The following SLC17A1 variants were observed in gnomAD, a reference collection of about 807,000 sequenced individuals.
SLC17A1 encodes sodium-dependent phosphate transport protein 1.
In SLC17A1, 51 loss-of-function variants were observed where a neutral mutation model predicts 53.5. The ratio of observed to expected loss-of-function variants is 0.95; its 90% confidence interval spans 0.76 to 1.20. The LOEUF is 1.20. Among genes scored for constraint, SLC17A1 ranks in the 50% most tolerant of loss-of-function variants. SLC17A1 has a pLI of 0.00. For synonymous variants in SLC17A1, 179 were observed against 198.8 expected, an observed-to-expected ratio of 0.90 and a Z score of 0.84; for missense variants, 538 against 568.2, an observed-to-expected ratio of 0.95 and a Z score of 0.54.
chr6:25,799,244 A>ATAT (rs1177098720), intron 11 of SLC17A1, among the ~76,000 whole-genome samples: 4 of 152,092 alleles, frequency 2.6e-5, no homozygotes, highest in Non-Finnish European at 4.4e-5. Flanking sequence ...TGTAGCTGAC[A>ATAT]TATTATTGTA....
chr6:25,770,879 C>T, the SLC17A1 span: 1 of 1,466,070 alleles, frequency 6.8e-7, no homozygotes, highest in African/African-American at 1.4e-5. Flanking sequence ...ACATAGAGCC[C>T]CAAGACGAGT....
intron 10 of SLC17A1, among the ~76,000 whole-genome samples, chr6:25,809,364 A>G (rs1230620952): frequency 6.6e-6 from 1 of 152,018 alleles, no homozygotes; most frequent in Non-Finnish European, 1.5e-5. Context: ...ACTTAACAAA[A>G]CTGTATTTGC....
chr6:25,779,138 C>G (rs375813431), downstream of SLC17A1: 1 of 1,613,826 alleles, frequency 6.2e-7, no homozygotes, highest in Non-Finnish European at 8.5e-7. Flanking sequence ...CATCTTTGGC[C>G]GAGCAGATGT....
At chr6:25,772,354 C>T in the SLC17A1 span, among the ~76,000 whole-genome samples, 1 of 152,130 alleles carries the variant, frequency 6.6e-6, no homozygotes, top group East Asian at 1.9e-4. Context: ...TGATTATGTT[C>T]CTTGATGGCA....
At position 25,809,239 on chromosome 6, in the gene SLC17A1, A is replaced by G. The variant is rs909805055; in HGVS notation, c.1178+2159T>C. On this transcript the variant is annotated intron_variant, in intron 10 of 12. Coordinates refer to ENST00000244527, the MANE Select transcript of SLC17A1 (RefSeq NM_005074.5). ...GAGTGTAGAATAACAGACATTAGAGACTTGGAAGAGTGGGAGGAGGGTGAG... is the reference window on the plus strand; with the variant it reads ...GAGTGTAGAATAACAGACATTAGAGGCTTGGAAGAGTGGGAGGAGGGTGAG... 5.9e-5 allele frequency among the ~76,000 whole-genome samples: 9 copies of G among 152,074 alleles called. No homozygotes were observed. The East Asian group carries it at 1.7e-3, about 29-fold the overall frequency.
chr6:25,750,853 G>T, the SLC17A1 span, among the ~76,000 whole-genome samples: 1 of 152,236 alleles, frequency 6.6e-6, no homozygotes, highest in African/African-American at 2.4e-5. Context: ...ATTCTGCCCA[G>T]TCTGCAAGGA....
Position 25,819,526 on chromosome 6 carries a change from A to G in SLC17A1, c.514T>C (p.Ser172Pro). The G allele has an allele frequency of 6.2e-7, 1 of 1,613,474 alleles. No homozygotes were observed. Among genetic ancestry groups the G allele is most frequent in the South Asian group, 1.1e-5 (1 of 91,072 alleles). Residue 172 changes from serine (S) to proline (P), a missense_variant, in exon 5 of 13, where the codon TCT becomes CCT. Physicochemically the swap from Ser to Pro is moderately conservative, Grantham distance 74. Coordinates refer to ENST00000244527, the MANE Select transcript of SLC17A1 (RefSeq NM_005074.5). ...AATTCTTTACCTGATGTACTCATAG[A>G]AGTAAGTCGGCCTCGTTCCAGGGGA... The part of the protein sequence containing the change: ...APPLERGRLT[S>P]MSTSGFLLGP...
intron 10 of SLC17A1, among the ~76,000 whole-genome samples, chr6:25,805,880 A>T (rs2151486097): frequency 6.6e-6 from 1 of 152,050 alleles, no homozygotes; most frequent in Non-Finnish European, 1.5e-5. Flanking sequence ...TAATTTTAAA[A>T]AATTGCCAAC....
At position 25,811,456 on chromosome 6, in the gene SLC17A1, C is replaced by T. The variant is rs779261375; in HGVS notation, c.1120G>A (p.Ala374Thr). 2 of 1,613,876 alleles carry T rather than the reference C, an allele frequency of 1.2e-6. No individual in the cohort carries two copies. Among genetic ancestry groups the T allele is most frequent in the Admixed American group, 1.7e-5 (1 of 59,994 alleles). ...SIVIFLILAG[A>T]TGSFCLGGVF... ...CCACCCAAGCAAAAGCTGCCTGTTG[C>T]ACCAGCAAGTATTAGGAAAATGACA... Residue 374 changes from alanine (A) to threonine (T), a missense_variant, in exon 10 of 13, where the codon GCA (alanine) becomes ACA (threonine). By Grantham distance (58) the Ala-to-Thr change is moderately conservative (BLOSUM62 0). Coordinates refer to ENST00000244527, the MANE Select transcript of SLC17A1 (RefSeq NM_005074.5).
chr6:25,744,232 C>T, the SLC17A1 span, among the ~76,000 whole-genome samples: 1 of 152,156 alleles, frequency 6.6e-6, no homozygotes, highest in African/African-American at 2.4e-5. Context: ...ACATCCAAGG[C>T]TTCTGAGTAC....
At chr6:25,813,234 A>G in intron 6 of SLC17A1, 21 bp from the exon 7 acceptor site, 1 of 1,583,190 alleles carries the variant, frequency 6.3e-7, no homozygotes, top group Non-Finnish European at 8.7e-7. Context: ...AGGGTAAGTT[A>G]GAATTGGAAG....
chr6:25,793,729 T>C (rs576146693), intron 12 of SLC17A1, among the ~76,000 whole-genome samples: 3 of 152,268 alleles, frequency 2.0e-5, no homozygotes, highest in South Asian at 2.1e-4. Context: ...TGAATTTACA[T>C]AGAAAAAAAT....
chr6:25,831,750 T>C (rs1018217488), intron 1 of SLC17A1, among the ~76,000 whole-genome samples: 30 of 152,132 alleles, frequency 2.0e-4, no homozygotes, highest in Admixed American at 2.6e-4. Flanking sequence ...TATACAAGCA[T>C]CACACACTGT....
the SLC17A1 span, among the ~76,000 whole-genome samples, chr6:25,747,064 A>C: frequency 6.6e-6 from 1 of 152,328 alleles, no homozygotes; most frequent in South Asian, 2.1e-4. Context: ...CAGTTCACCA[A>C]CAATATCACC....
the SLC17A1 span, among the ~76,000 whole-genome samples, chr6:25,753,375 C>T: frequency 0.24 from 36,123 of 152,036 alleles, 4,897 homozygotes; most frequent in Non-Finnish European, 0.3. Flanking sequence ...GCTCTCTTTT[C>T]TCCTAGGTTC....
At chr6:25,773,994 T>A in the SLC17A1 span, among the ~76,000 whole-genome samples, 20 of 152,192 alleles carry the variant, frequency 1.3e-4, no homozygotes, top group African/African-American at 4.3e-4. Flanking sequence ...CTCAATCCCA[T>A]CAAAATTTGC....
chr6:25,731,873 C>T, the SLC17A1 span: 7 of 1,603,066 alleles, frequency 4.4e-6, no homozygotes, highest in South Asian at 3.3e-5. Flanking sequence ...GGCGCACGGC[C>T]GTCTGGATCT....
At chr6:25,727,855 T>C in the SLC17A1 span, among the ~76,000 whole-genome samples, 11 of 151,738 alleles carry the variant, frequency 7.2e-5, no homozygotes, top group African/African-American at 2.7e-4. Context: ...CCGTCTCTAC[T>C]AAAAATACAA....
the SLC17A1 span, chr6:25,727,223 G>C: frequency 5.0e-6 from 8 of 1,613,820 alleles, no homozygotes; most frequent in Non-Finnish European, 6.8e-6. Flanking sequence ...TGCTACTGCC[G>C]GGAGAGCTGG....
Sources: allele counts gnomAD v4.1 joint callset (sites outside exome capture counted in the v4.1 genomes callset), GRCh38; gene constraint gnomAD v4.1.1; transcripts MANE v1.5; gene names NCBI Gene and HGNC (gene_info 2026-07-23, HGNC 2026-07-21).